The following UGGT2 variants were observed in gnomAD, a reference collection of about 807,000 sequenced individuals.
The protein encoded by UGGT2 is UDP-glucose glycoprotein glucosyltransferase 2, also known as UDP-glucose:glycoprotein glucosyltransferase 2.
In UGGT2, 180 loss-of-function variants were observed where a neutral mutation model predicts 192.1. The observed-to-expected ratio is 0.94, with a 90% confidence interval of 0.83 to 1.06. The LOEUF (loss-of-function observed/expected upper bound fraction) is 1.06, where lower values mean the gene tolerates loss of function less well. Among genes scored for constraint, UGGT2 ranks in the 50% least tolerant of loss-of-function variants. The pLI, the probability that UGGT2 is intolerant of heterozygous loss-of-function variation, is 0.00. For missense variants in UGGT2, 1,849 were observed against 1,795.7 expected (o/e 1.03, Z -0.54); for synonymous variants, 580 against 591.0 (o/e 0.98, Z 0.27).
At chr13:96,031,240 G>GA (rs1424282641) in intron 2 of UGGT2, among the ~76,000 whole-genome samples, 2 of 151,798 alleles carry the variant, frequency 1.3e-5, no homozygotes, top group Non-Finnish European at 2.9e-5. Context: ...TTTTAAAAAA[G>GA]AAAAAAATGT....
chr13:95,930,388 T>G lies in UGGT2; in HGVS notation c.1978-3052A>C, dbSNP rs145293866. Among the ~76,000 whole-genome samples the G allele has an allele frequency of 1.3e-3, 194 of 151,942 alleles. 1 individual carries two copies. The highest frequency in any genetic ancestry group is 4.3e-3 in the African/African-American group (180 of 41,506). On this transcript the variant is annotated intron_variant, in intron 17 of 38. Coordinates refer to ENST00000376747, the MANE Select transcript of UGGT2 (RefSeq NM_020121.4). ...TTTCCTAGGTTTTCTTCTAGAATTC[T>G]TATAGTTTTAAGTCTTATACTTAAC...
At chr13:95,950,821 C>A (rs978622529) in intron 12 of UGGT2, among the ~76,000 whole-genome samples, 1 of 151,800 alleles carries the variant, frequency 6.6e-6, no homozygotes, top group African/African-American at 2.4e-5. Flanking sequence ...GCAGACTGTA[C>A]GCAGAAGAGA....
chr13:95,983,335 A>C (rs2051186660), intron 10 of UGGT2, among the ~76,000 whole-genome samples: 1 of 152,210 alleles, frequency 6.6e-6, no homozygotes, highest in Non-Finnish European at 1.5e-5. Flanking sequence ...TGGTGTAAGC[A>C]CTTTACAAAT....
chr13:96,050,260 A>G (rs1312257917), intron 1 of UGGT2, among the ~76,000 whole-genome samples: 54 of 152,216 alleles, frequency 3.5e-4, no homozygotes, highest in South Asian at 3.1e-3. Context: ...ATGGTGCTGG[A>G]AAAACTGGCT....
intron 12 of UGGT2, among the ~76,000 whole-genome samples, chr13:95,963,432 C>T (rs530272355): frequency 1.3e-5 from 2 of 152,216 alleles, no homozygotes; most frequent in Non-Finnish European, 2.9e-5. Flanking sequence ...ATGACAAACA[C>T]ACAGCTAACA....
At chr13:95,986,180 A>T (rs537501812) in intron 9 of UGGT2, among the ~76,000 whole-genome samples, 153 bp downstream of exon 9, 219 of 152,122 alleles carry the variant, frequency 1.4e-3, no homozygotes, top group African/African-American at 4.8e-3. Context: ...CTAATCAAAA[A>T]ATATATATAT....
chr13:95,832,643 T>G (rs1044811695), intron 38 of UGGT2: 5 of 474,308 alleles, frequency 1.1e-5, no homozygotes, highest in African/African-American at 9.9e-5. Context: ...CAAACACTCC[T>G]TTTACTTTTA....
intron 34 of UGGT2, among the ~76,000 whole-genome samples, chr13:95,855,105 G>GT (rs974829869): frequency 5.4e-4 from 39 of 72,640 alleles, no homozygotes; most frequent in Non-Finnish European, 8.9e-4. Flanking sequence ...GACCCTGTCT[G>GT]TAAAAAAAAA....
intron 1 of UGGT2, among the ~76,000 whole-genome samples, chr13:96,041,724 G>A (rs2053170104): frequency 6.6e-6 from 1 of 152,146 alleles, no homozygotes; most frequent in Non-Finnish European, 1.5e-5. Context: ...TTGCATGGGA[G>A]CTGGGTGAGG....
At chr13:96,023,178 C>A in intron 3 of UGGT2, 26 bp from the exon 4 acceptor site, 2 of 1,528,740 alleles carry the variant, frequency 1.3e-6, no homozygotes, top group Non-Finnish European at 8.8e-7. Flanking sequence ...TTATATTTAG[C>A]TACAGCAGTT....
intron 15 of UGGT2, among the ~76,000 whole-genome samples, chr13:95,946,139 A>T (rs953276873): frequency 2.0e-5 from 3 of 152,216 alleles, no homozygotes; most frequent in Non-Finnish European, 2.9e-5. Context: ...TTCCACAATG[A>T]TCCATAACAG....
Position 95,900,902 on chromosome 13 carries a change from T to C in UGGT2, c.2539A>G (p.Thr847Ala). Residue 847 changes from threonine (T) to alanine (A), a missense_variant, in exon 22 of 39, where the codon ACT (threonine) becomes GCT (alanine). Thr to Ala is a moderately conservative substitution (Grantham distance 58). Transcript: ENST00000376747. ...DKNAFEKKYN[T>A]VGVNIFRTHQ... ...GTTCGAAAAATATTCACTCCAACAG[T>C]ATTATATTTTTTCTCAAAAGCATTC... The C allele has an allele frequency of 1.2e-6, 2 of 1,602,562 alleles. No homozygotes were observed. Among genetic ancestry groups the C allele is most frequent in the Non-Finnish European group, 1.7e-6 (2 of 1,175,944 alleles).
intron 24 of UGGT2, among the ~76,000 whole-genome samples, chr13:95,891,543 G>A (rs1378678482): frequency 6.6e-6 from 1 of 151,890 alleles, no homozygotes; most frequent in African/African-American, 2.4e-5. Flanking sequence ...TTTTTTAAAG[G>A]GAAATGAGAA....
At chr13:95,970,526 G>A (rs748380266) in intron 11 of UGGT2, among the ~76,000 whole-genome samples, 3 of 151,894 alleles carry the variant, frequency 2.0e-5, no homozygotes, top group Admixed American at 6.6e-5. Context: ...CTTTATCAAA[G>A]TAGTGAGGAT....
intron 17 of UGGT2, among the ~76,000 whole-genome samples, chr13:95,929,914 C>T (rs938980666): frequency 6.6e-5 from 10 of 152,144 alleles, no homozygotes; most frequent in African/African-American, 1.7e-4. Context: ...AGTGTATATG[C>T]GTTCCCCTTC....
intron 12 of UGGT2, among the ~76,000 whole-genome samples, chr13:95,960,661 T>A (rs9561997): frequency 2.0e-5 from 3 of 152,160 alleles, no homozygotes; most frequent in Non-Finnish European, 4.4e-5. Flanking sequence ...CCAAGTCTAA[T>A]GAGATTTAGA....
intron 12 of UGGT2, among the ~76,000 whole-genome samples, chr13:95,952,160 A>G (rs1427283351): frequency 6.6e-6 from 1 of 152,110 alleles, no homozygotes; most frequent in Non-Finnish European, 1.5e-5. Context: ...TTTAAGAAGT[A>G]GTGCTCTAGC....
intron 38 of UGGT2, among the ~76,000 whole-genome samples, chr13:95,824,301 G>A (rs1885795708): frequency 7.0e-6 from 1 of 143,028 alleles, no homozygotes; most frequent in African/African-American, 2.6e-5. Context: ...AATTTCCGAG[G>A]AGTTCTTTGA....
At chr13:95,996,235 C>T (rs2051615488) in intron 6 of UGGT2, 100 bp from the exon 7 acceptor site, 1 of 1,030,756 alleles carries the variant, frequency 9.7e-7, no homozygotes, top group Non-Finnish European at 1.5e-6. Context: ...GGTGCGGCAG[C>T]TCATGCCTGT....
Sources: gnomAD v4.1 joint callset for allele counts (sites outside exome capture counted in the v4.1 genomes callset) on GRCh38, gnomAD v4.1.1 for gene constraint, MANE v1.5 for transcripts, NCBI Gene and HGNC (gene_info 2026-07-23, HGNC 2026-07-21) for gene names.